HDAC9: variants seen among roughly 807,000 people sequenced by gnomAD.
The protein encoded by HDAC9 is histone deacetylase 9, also known as MEF-2 interacting transcription repressor (MITR) protein.
A neutral mutation model predicts 139.4 loss-of-function variants in HDAC9; 41 were observed. The ratio of observed to expected loss-of-function variants is 0.29; its 90% confidence interval spans 0.23 to 0.38. The LOEUF (loss-of-function observed/expected upper bound fraction) is 0.38. Ranked by LOEUF, HDAC9 falls within the 10% of genes least tolerant of loss-of-function variation. The pLI is 1.00. For missense variants in HDAC9, 1,147 were observed against 1,297.0 expected (o/e 0.88, Z 1.78); for synonymous variants, 517 against 476.2 (o/e 1.09, Z -1.12).
At chr7:18,138,520 A>G (rs911849093) in intron 1 of HDAC9, among the ~76,000 whole-genome samples, 2 of 140,130 alleles carry the variant, frequency 1.4e-5, no homozygotes, top group Admixed American at 7.4e-5. Context: ...AGTGAGAGAG[A>G]GAGAGAGGTG....
At chr7:18,117,882 A>G (rs1356665064) in intron 1 of HDAC9, among the ~76,000 whole-genome samples, 3 of 152,220 alleles carry the variant, frequency 2.0e-5, no homozygotes, top group African/African-American at 7.2e-5. Context: ...AGTCAGCAGC[A>G]GTGGTAGTGC....
intron 21 of HDAC9, among the ~76,000 whole-genome samples, chr7:18,868,345 C>T (rs543887215): frequency 1.3e-4 from 20 of 152,262 alleles, no homozygotes; most frequent in Middle Eastern, 3.4e-3. Flanking sequence ...GTTAGAGTCC[C>T]AGTATCTACA....
chr7:18,886,152 C>A (rs1455885140), intron 22 of HDAC9, among the ~76,000 whole-genome samples: 1 of 151,646 alleles, frequency 6.6e-6, no homozygotes, highest in Non-Finnish European at 1.5e-5. Context: ...ATGAGTGCTC[C>A]ATGTTCGCTC....
At chr7:18,789,865 T>G (rs1792149801) in intron 16 of HDAC9, among the ~76,000 whole-genome samples, 1 of 152,178 alleles carries the variant, frequency 6.6e-6, no homozygotes, top group South Asian at 2.1e-4. Flanking sequence ...TGTCAAGATG[T>G]TCTTCAGCAG....
intron 13 of HDAC9, among the ~76,000 whole-genome samples, chr7:18,728,626 G>A (rs1175150568): frequency 6.6e-6 from 1 of 152,156 alleles, no homozygotes; most frequent in East Asian, 1.9e-4. Flanking sequence ...GAATTTATAT[G>A]TACCTTCCCC....
intron 24 of HDAC9, among the ~76,000 whole-genome samples, chr7:18,966,794 A>G (rs1458119280): frequency 6.6e-6 from 1 of 152,208 alleles, no homozygotes; most frequent in Non-Finnish European, 1.5e-5. Context: ...GGAAATAGAA[A>G]GGACCAGCCT....
chr7:18,207,171 C>G (rs1356634862), intron 2 of HDAC9, among the ~76,000 whole-genome samples: 1 of 151,978 alleles, frequency 6.6e-6, no homozygotes, highest in Non-Finnish European at 1.5e-5. Flanking sequence ...CTCCTGAACT[C>G]AAAGCAATCT....
At position 18,187,939 on chromosome 7, in the gene HDAC9, A is replaced by T. The variant is rs534300948; in HGVS notation, c.25+25590A>T. On this transcript the variant is annotated intron_variant, in intron 2 of 12. Transcript: ENST00000417496. ...CACCTGGGGCTAAAATAATTCATAG[A>T]TTCAGTGGTATTCCCATCAAAATAC... 1.1e-4 allele frequency among the ~76,000 whole-genome samples: 17 copies of T among 152,316 alleles called. No individual in the cohort carries two copies. The South Asian group carries it at 3.5e-3, about 32-fold the overall frequency.
At chr7:18,338,660 G>T (rs539893173) in intron 1 of HDAC9, among the ~76,000 whole-genome samples, 78 of 151,434 alleles carry the variant, frequency 5.2e-4, no homozygotes, top group Middle Eastern at 3.4e-3. Context: ...ACTTGGTCAA[G>T]GTATATAATG....
intron 12 of HDAC9, among the ~76,000 whole-genome samples, chr7:18,718,270 C>T (rs1244627785): frequency 6.6e-6 from 1 of 152,058 alleles, no homozygotes; most frequent in African/African-American, 2.4e-5. Context: ...CGCGCTCTGT[C>T]CCCCAGGCTG....
Position 18,605,572 on chromosome 7 carries a change from A to C in HDAC9, c.664+11543A>C, listed in dbSNP as rs188297235. On this transcript the variant is annotated intron_variant, in intron 6 of 25. Coordinates refer to ENST00000686413, the MANE Select transcript of HDAC9 (RefSeq NM_178425.4). ...GCCTACTCCCTACCTTCACTTAAACAGAAAGGGATTTTTTTCTCATATATT... is the reference window on the plus strand; with the variant it reads ...GCCTACTCCCTACCTTCACTTAAACCGAAAGGGATTTTTTTCTCATATATT... Among the ~76,000 whole-genome samples, 349 of 152,290 alleles carry C rather than the reference A, an allele frequency of 2.3e-3. 4 individuals carry two copies. The highest frequency in any genetic ancestry group is 0.021 in the Admixed American group (324 of 15,298).
intron 1 of HDAC9, among the ~76,000 whole-genome samples, chr7:18,356,358 G>GTTTTTTTTTTTTTT (rs5882659): frequency 1.8e-5 from 1 of 55,140 alleles, no homozygotes; most frequent in Non-Finnish European, 3.1e-5. Flanking sequence ...CAGCACATAG[G>GTTTTTTTTTTTTTT]TTTTTTTTTT....
intron 1 of HDAC9, among the ~76,000 whole-genome samples, chr7:18,370,646 C>T (rs2128701451): frequency 6.6e-6 from 1 of 152,206 alleles, no homozygotes; most frequent in African/African-American, 2.4e-5. Context: ...CCACAATAGC[C>T]AGTTTATTTT....
At chr7:18,628,841 CAA>C (rs934313472) in intron 6 of HDAC9, among the ~76,000 whole-genome samples, 22 of 152,038 alleles carry the variant, frequency 1.4e-4, no homozygotes, top group African/African-American at 4.6e-4. Flanking sequence ...AAACTACTGA[CAA>C]AGAAATATTC....
chr7:18,520,993 G>A (rs1804844675), intron 2 of HDAC9, among the ~76,000 whole-genome samples: 1 of 152,162 alleles, frequency 6.6e-6, no homozygotes, highest in Non-Finnish European at 1.5e-5. Context: ...TTAGTCATCG[G>A]CAGTCCTCCT....
chr7:18,512,088 C>T (rs1038637234), intron 2 of HDAC9, among the ~76,000 whole-genome samples: 1 of 150,612 alleles, frequency 6.6e-6, no homozygotes, highest in African/African-American at 2.4e-5. Flanking sequence ...ATACTTCCAG[C>T]ATAGAAACTC....
At chr7:18,274,829 G>A (rs1796615593) in intron 2 of HDAC9, among the ~76,000 whole-genome samples, 1 of 152,072 alleles carries the variant, frequency 6.6e-6, no homozygotes, top group Non-Finnish European at 1.5e-5. Flanking sequence ...TATTCTTTAA[G>A]GTTATGTACA....
At position 18,298,298 on chromosome 7, in the gene HDAC9, T is replaced by A. The variant is rs77706716; in HGVS notation, c.-42+7783T>A. On this transcript the variant is annotated intron_variant, in intron 1 of 3. Coordinates refer to the HDAC9 transcript ENST00000413509. ...TTTTTATGTTTTTTTTTTTTTTTTTTATTATACTTTAAGTTTTAGGGTACA... is the reference window on the plus strand; with the variant it reads ...TTTTTATGTTTTTTTTTTTTTTTTTAATTATACTTTAAGTTTTAGGGTACA... Among the ~76,000 whole-genome samples, 246 of 151,786 alleles carry A rather than the reference T, an allele frequency of 1.6e-3. 3 individuals carry two copies. The highest frequency in any genetic ancestry group is 5.6e-3 in the African/African-American group (233 of 41,270).
At chr7:18,770,863 C>G (rs1012431491) in intron 16 of HDAC9, among the ~76,000 whole-genome samples, 1 of 152,090 alleles carries the variant, frequency 6.6e-6, no homozygotes, top group African/African-American at 2.4e-5. Context: ...AGGACCAGAT[C>G]AGTGAGAAGC....
Sources: allele counts gnomAD v4.1 joint callset (sites outside exome capture counted in the v4.1 genomes callset), GRCh38; gene constraint gnomAD v4.1.1; transcripts MANE v1.5; gene names NCBI Gene and HGNC (gene_info 2026-07-23, HGNC 2026-07-21).